CSNK1D: variants seen among roughly 807,000 people sequenced by gnomAD.
CSNK1D encodes the protein casein kinase I isoform delta.
A neutral mutation model predicts 46.6 loss-of-function variants in CSNK1D; 16 were observed. The ratio of observed to expected loss-of-function variants is 0.34; its 90% CI spans 0.23 to 0.52. The LOEUF is 0.52. CSNK1D is among the 20% of genes least tolerant of loss of function. CSNK1D has a pLI of 0.95. For missense variants in CSNK1D, 398 were observed against 578.4 expected (o/e 0.69, Z 3.20); for synonymous variants, 276 against 228.2 (o/e 1.21, Z -1.89).
Position 82,273,307 on chromosome 17 carries a change from G to A in CSNK1D, c.75C>T (p.Leu25=), listed in dbSNP as rs1204199511. Residue 25 remains leucine, a splice_region_variant and synonymous_variant, in exon 1 of 9, where the codon CTC becomes CTT. Transcript: ENST00000314028. This position sits in a 1 kb window ranked among gnomAD's most constrained non-coding sequence, Gnocchi z 5.1. ...IGSGSFGDIY[L]GTDIAAGEEV... is the part of the protein sequence containing the mutation. ...CGGGCGGGGGCGGCGGGGCCTCACC[G>A]AGATAGATGTCTCCGAAGGAGCCGC... is the stretch of plus-strand genomic sequence containing the variant. 5 of 1,607,148 alleles carry A rather than the reference G, an allele frequency of 3.1e-6. No homozygotes were observed. The highest frequency in any genetic ancestry group is 3.4e-6 in the Non-Finnish European group (4 of 1,178,390).
chr17:82,248,654 C>T lies in CSNK1D; in HGVS notation c.1197+221G>A, dbSNP rs1296944278. 1.0e-5 allele frequency: 14 copies of T among 1,394,758 alleles called. No individual in the cohort carries two copies. Among genetic ancestry groups the T allele is most frequent in the African/African-American group, 4.4e-5 (3 of 68,772 alleles). 86.4% of individuals were successfully genotyped at this position (1,394,758 alleles called of 1,614,324 possible). ...CAGGGACCTGAGACCTGAGACTGGC[C>T]ACCTGCAACCAGGAGACAAGCCCCA... On this transcript the variant is annotated intron_variant, in intron 8 of 8. Coordinates refer to ENST00000314028, the MANE Select transcript of CSNK1D (RefSeq NM_001893.6). The surrounding 1 kb of genome is among the most constrained non-coding windows in gnomAD (Gnocchi z 4.1).
intron 2 of CSNK1D, among the ~76,000 whole-genome samples, chr17:82,260,628 GAGTGACGTGACTGATGGTGT>G (rs2051311790): frequency 2.0e-5 from 3 of 147,692 alleles, no homozygotes; most frequent in African/African-American, 2.6e-5. Context: ...ATGGTGTACT[GAGTGACGTGACTGATGGTGT>G]ACTGACTGAT....
At position 82,251,294 on chromosome 17, in the gene CSNK1D, C is replaced by G; in HGVS notation, c.885+85G>C. ...GAGACACTCCCTATATGGTACAGCC[C>G]CTCAACAAGACGGCCGCCGGCCTCT... On this transcript the variant is annotated intron_variant, in intron 6 of 8. Coordinates refer to ENST00000314028, the MANE Select transcript of CSNK1D (RefSeq NM_001893.6). The surrounding 1 kb of genome is among the most constrained non-coding windows in gnomAD (Gnocchi z 4.5). The G allele has an allele frequency of 6.6e-7, 1 of 1,521,066 alleles. No homozygotes were observed. Among genetic ancestry groups the G allele is most frequent in the Non-Finnish European group, 9.1e-7 (1 of 1,100,590 alleles). The allele number at this position is 1,521,066 out of a possible 1,614,324, so 94.2% of individuals were successfully genotyped here. A position where few individuals can be genotyped will look rare whatever the true frequency, so the allele number is the denominator to read the frequency against.
chr17:82,265,292 C>A (rs2051440493), intron 2 of CSNK1D: 3 of 323,880 alleles, frequency 9.3e-6, no homozygotes, highest in Non-Finnish European at 1.8e-5. Flanking sequence ...GATTCTCCTG[C>A]CTCAGCCTCC....
chr17:82,271,206 G>A (rs993439423), intron 1 of CSNK1D, among the ~76,000 whole-genome samples: 7 of 152,178 alleles, frequency 4.6e-5, no homozygotes, highest in Non-Finnish European at 7.3e-5. Context: ...CTCCCAAGTA[G>A]CTGGAATTAC....
intron 8 of CSNK1D, chr17:82,247,923 A>G (rs1179515652): frequency 7.1e-6 from 7 of 985,376 alleles, no homozygotes; most frequent in African/African-American, 1.7e-5. Context: ...AAAGACGGCA[A>G]GTGGTCAAGA....
At chr17:82,246,662 C>G (rs974334688) in intron 8 of CSNK1D, 8 of 997,282 alleles carry the variant, frequency 8.0e-6, no homozygotes, top group Non-Finnish European at 9.6e-6. Context: ...CTATGGGGGC[C>G]TCTGTGACCT....
At chr17:82,239,059 T>G, downstream of CSNK1D, 2 of 1,366,924 alleles carry the variant, frequency 1.5e-6, no homozygotes, top group Non-Finnish European at 2.0e-6. Flanking sequence ...CTGGACTGGC[T>G]CAGGCAGGGC....
downstream of CSNK1D, chr17:82,240,099 G>A (rs547512117): frequency 2.5e-4 from 307 of 1,227,124 alleles, no homozygotes; most frequent in Non-Finnish European, 2.1e-4. Context: ...CACATCTCAG[G>A]TCCAGCTGTC....
chr17:82,273,112 G>C lies in CSNK1D; in HGVS notation c.76+194C>G. On this transcript the variant is annotated intron_variant, in intron 1 of 8. Transcript: ENST00000314028. The surrounding 1 kb of genome is among the most constrained non-coding windows in gnomAD (Gnocchi z 5.1). ...CGACCTGGTCCTGCCCCTCCCCCAC[G>C]TCCGCTCCCCACTGCCCTCCCCACC... 45 of 123,604 alleles carry C rather than the reference G, an allele frequency of 3.6e-4. No individual in the cohort carries two copies. Among genetic ancestry groups the C allele is most frequent in the Middle Eastern group, 2.6e-3 (1 of 388 alleles). The allele number at this position is 123,604 out of a possible 1,614,324, so 7.7% of individuals were successfully genotyped here. A position where few individuals can be genotyped will look rare whatever the true frequency, so the allele number is the denominator to read the frequency against.
downstream of CSNK1D, among the ~76,000 whole-genome samples, chr17:82,241,734 G>A (rs1466978513): frequency 1.3e-5 from 2 of 152,222 alleles, no homozygotes; most frequent in African/African-American, 4.8e-5. Flanking sequence ...GGAAGGCCCG[G>A]AAGCCAGCTC....
At chr17:82,240,393 G>T (rs930378731), downstream of CSNK1D, among the ~76,000 whole-genome samples, 1 of 152,164 alleles carries the variant, frequency 6.6e-6, no homozygotes, top group East Asian at 1.9e-4. Context: ...GCCTTCCCCC[G>T]CTGGCACCCC....
chr17:82,243,278 C>T lies in CSNK1D; in HGVS notation c.*1503G>A, dbSNP rs182735730. ...GAGGAGAAGGGAGAACCAAGGTGCA[C>T]ACCTTCGAAGCCCTAGAGTCCAAAG... On this transcript the variant is annotated 3_prime_UTR_variant, in exon 9 of 9. Transcript: ENST00000314028. 1,260 of 985,496 alleles carry T rather than the reference C, an allele frequency of 1.3e-3. 11 individuals are homozygous for T. In the South Asian group the frequency reaches 0.025, roughly 19 times the overall value. The allele number at this position is 985,496 out of a possible 1,614,324, so 61.0% of individuals were successfully genotyped here. A position where few individuals can be genotyped will look rare whatever the true frequency, so the allele number is the denominator to read the frequency against.
chr17:82,244,589 C>T lies in CSNK1D; in HGVS notation c.*192G>A. On this transcript the variant is annotated 3_prime_UTR_variant, in exon 9 of 9. Coordinates refer to ENST00000314028, the MANE Select transcript of CSNK1D (RefSeq NM_001893.6). The stretch of plus-strand genomic sequence containing the variant: ...TCACGTGGGGGGCCGCAGTGCAGCC[C>T]CAGCGGTGGCAGCTCTTGGAGTCTG... The T allele has an allele frequency of 6.6e-7, 1 of 1,512,070 alleles. No individual in the cohort carries two copies. Among genetic ancestry groups the T allele is most frequent in the South Asian group, 1.2e-5 (1 of 80,586 alleles). 93.7% of individuals were successfully genotyped at this position (1,512,070 alleles called of 1,614,324 possible).
Position 82,243,145 on chromosome 17 carries a change from G to A in CSNK1D, c.*1636C>T. 3 of 985,566 alleles carry A rather than the reference G, an allele frequency of 3.0e-6. No individual in the cohort carries two copies. Among genetic ancestry groups the A allele is most frequent in the Non-Finnish European group, 3.6e-6 (3 of 830,026 alleles). The allele number at this position is 985,566 out of a possible 1,614,324, so 61.1% of individuals were successfully genotyped here. On this transcript the variant is annotated 3_prime_UTR_variant, in exon 9 of 9. Coordinates refer to ENST00000314028, the MANE Select transcript of CSNK1D (RefSeq NM_001893.6). Reference sequence around the variant, plus strand: ...AACGCTTACACAGTAACCAGCCTAGGATTGAGAAAGCATCCATGGGCTCAG... The same window carrying A: ...AACGCTTACACAGTAACCAGCCTAGAATTGAGAAAGCATCCATGGGCTCAG...
Position 82,249,588 on chromosome 17 carries a change from G to A in CSNK1D, c.900C>T (p.Ala300=), listed in dbSNP as rs199795401. 14 of 1,559,484 alleles carry A rather than the reference G, an allele frequency of 9.0e-6. No homozygotes were observed. Among genetic ancestry groups the A allele is most frequent in the South Asian group, 5.9e-5 (5 of 85,212 alleles). Residue 300 remains alanine (A), a synonymous_variant, in exon 7 of 9, where the codon GCC becomes GCT. Transcript: ENST00000314028. This position sits in a 1 kb window ranked among gnomAD's most constrained non-coding sequence, Gnocchi z 6.7. ...WNMLKFGASR[A]ADDAERERRD... ...TGCGCTCCCGCTCGGCGTCATCGGC[G>A]GCCCGGCTGGCACCCTGAGGAGGCA...
chr17:82,240,314 G>C (rs7405631), downstream of CSNK1D, among the ~76,000 whole-genome samples: 18,759 of 152,228 alleles, frequency 0.12, 3,802 homozygotes, highest in African/African-American at 0.42. Flanking sequence ...GCTGAAGGGA[G>C]AAAGACGAGG....
At chr17:82,259,518 A>G (rs1199224086) in intron 2 of CSNK1D, among the ~76,000 whole-genome samples, 1 of 152,228 alleles carries the variant, frequency 6.6e-6, no homozygotes, top group African/African-American at 2.4e-5. Flanking sequence ...GATATGTATC[A>G]ATATGCAGAC....
chr17:82,247,801 G>T (rs1329000445), intron 8 of CSNK1D: 1 of 985,260 alleles, frequency 1.0e-6, no homozygotes, highest in African/African-American at 1.7e-5. Flanking sequence ...AAATAACCAC[G>T]AAGCCAAAAT....
Sources: gnomAD v4.1 joint callset for allele counts (sites outside exome capture counted in the v4.1 genomes callset) on GRCh38, gnomAD v4.1.1 for gene constraint, Gnocchi (gnomAD v3.1) non-coding constraint, MANE v1.5 for transcripts, NCBI Gene and HGNC (gene_info 2026-07-23, HGNC 2026-07-21) for gene names.